Variants in MUCL3 observed in about 807,000 individuals in gnomAD.
The protein encoded by MUCL3 is mucin-like protein 3.
MUCL3 carries 42 observed loss-of-function variants against 70.2 expected under a neutral mutation model. That is an observed-to-expected ratio of 0.60 (90% CI 0.47 to 0.77). MUCL3 has a LOEUF of 0.77. Among genes scored for constraint, MUCL3 ranks in the 30% least tolerant of loss-of-function variants. The pLI is 0.00. For synonymous variants in MUCL3, 522 were observed against 647.0 expected (o/e 0.81, Z 2.93); for missense variants, 1,429 against 1,670.0 (o/e 0.86, Z 2.52).
chr6:30,950,182 C>T lies in MUCL3; in HGVS notation c.1718C>T (p.Thr573Ile), dbSNP rs755281420. The T allele has an allele frequency of 1.3e-6, 2 of 1,548,810 alleles. No homozygotes were observed. The highest frequency in any genetic ancestry group is 1.2e-5 in the South Asian group (1 of 83,944). ...AGGACTCCTTTGGCCAATGAGAAGA[C>T]CACGCCATCTCTAGCAGAGCCTACA... ...GDRTPLANEK[T>I]TPSLAEPTEN... The change falls in exon 2 of 3, where the codon ACC becomes ATC. Residue 573 changes from threonine to isoleucine, a missense_variant. Thr to Ile is a moderately conservative substitution (Grantham distance 89, BLOSUM62 -1). Transcript: ENST00000462446.
chr6:30,951,198 G>A lies in MUCL3; in HGVS notation c.2734G>A (p.Glu912Lys), dbSNP rs1287859677. 3 of 1,551,590 alleles carry A rather than the reference G, an allele frequency of 1.9e-6. No homozygotes were observed. The highest frequency in any genetic ancestry group is 1.4e-5 in the African/African-American group (1 of 72,798). Residue 912 changes from glutamate (E) to lysine (K), a missense_variant, in exon 2 of 3, where the codon GAG (glutamate) becomes AAG (lysine). Transcript: ENST00000462446. ...TGGAGAAAGGACCCCATTTACCAAT[G>A]AGAAGACCACACCATCCTCAGCAGA... ...ENGERTPFTN[E>K]KTTPSSAEPT... is the part of the protein sequence containing the mutation.
In MUCL3 at chr6:30,951,847, A is replaced by G; in HGVS notation, c.3383A>G (p.His1128Arg). 1 of 1,599,352 alleles carries G rather than the reference A, an allele frequency of 6.3e-7. No individual in the cohort carries two copies. Among genetic ancestry groups the G allele is most frequent in the African/African-American group, 1.3e-5 (1 of 74,524 alleles). Residue 1128 changes from histidine to arginine, a missense_variant, in exon 2 of 3, where the codon CAT becomes CGT. Transcript: ENST00000462446. ...TCATCTGCAGCAGAGTCTACAGAACATAGAGATAGGGCTACATCAGCCAAT... is the reference window on the plus strand; with the variant it reads ...TCATCTGCAGCAGAGTCTACAGAACGTAGAGATAGGGCTACATCAGCCAAT... ...ITSSAAESTE[H>R]RDRATSANVI... is the part of the protein sequence containing the mutation.
chr6:30,950,284 G>A lies in MUCL3; in HGVS notation c.1820G>A (p.Arg607Lys), dbSNP rs1162133353. 1 of 1,548,926 alleles carries A rather than the reference G, an allele frequency of 6.5e-7. No homozygotes were observed. Among genetic ancestry groups the A allele is most frequent in the African/African-American group, 1.4e-5 (1 of 71,854 alleles). The change falls in exon 2 of 3, where the codon AGG (arginine) becomes AAG (lysine). Residue 607 changes from arginine (R) to lysine (K), a missense_variant. Arg to Lys is a conservative substitution (Grantham distance 26). Coordinates refer to ENST00000462446, the MANE Select transcript of MUCL3 (RefSeq NM_080870.4). Reference sequence around the variant, plus strand: ...GCAGAGCCTACAGAACACGAAGAAAGGACTCCACTGGCCAATGAGAACACC... The same window carrying A: ...GCAGAGCCTACAGAACACGAAGAAAAGACTCCACTGGCCAATGAGAACACC... ...SSAEPTEHEE[R>K]TPLANENTTP...
In MUCL3 at chr6:30,949,978, C is replaced by T. The variant is rs529934347; in HGVS notation, c.1514C>T (p.Thr505Ile). ...PAEPTENGQRTPFANEKTTSS... is the reference protein window; with the variant it reads ...PAEPTENGQRIPFANEKTTSS... ...GAGCCTACAGAAAATGGACAAAGGACCCCATTTGCCAATGAGAAAACCACA... is the reference window on the plus strand; with the variant it reads ...GAGCCTACAGAAAATGGACAAAGGATCCCATTTGCCAATGAGAAAACCACA... Residue 505 changes from threonine (T) to isoleucine (I), a missense_variant, in exon 2 of 3, where the codon ACC (threonine) becomes ATC (isoleucine). Physicochemically the swap from Thr to Ile is moderately conservative, Grantham distance 89 (BLOSUM62 -1). Transcript: ENST00000462446. The T allele has an allele frequency of 8.0e-5, 124 of 1,549,088 alleles. 1 individual carries two copies. In the South Asian group the frequency reaches 1.4e-3, roughly 18 times the overall value.
rs1425288774 is a variant in MUCL3 at position 30,949,345 on chromosome 6, A to G, written c.881A>G (p.Asn294Ser). The G allele has an allele frequency of 6.4e-6, 10 of 1,551,696 alleles. No homozygotes were observed. In the African/African-American group the frequency reaches 1.1e-4, roughly 17 times the overall value. ...EPTEHGGRTANENNTPSPAEP... is the reference protein window; with the variant it reads ...EPTEHGGRTASENNTPSPAEP... ...ACAGAACATGGAGGAAGGACAGCCAATGAGAACAACACACCATCCCCAGCA... is the reference window on the plus strand; with the variant it reads ...ACAGAACATGGAGGAAGGACAGCCAGTGAGAACAACACACCATCCCCAGCA... The change falls in exon 2 of 3, where the codon AAT (asparagine) becomes AGT (serine). Residue 294 changes from asparagine (N) to serine (S), a missense_variant. Asn to Ser is a conservative substitution (Grantham distance 46). Coordinates refer to ENST00000462446, the MANE Select transcript of MUCL3 (RefSeq NM_080870.4).
Position 30,949,924 on chromosome 6 carries a change from C to T in MUCL3, c.1460C>T (p.Ala487Val). Residue 487 changes from alanine to valine, a missense_variant, in exon 2 of 3, where the codon GCC (alanine) becomes GTC (valine). Coordinates refer to ENST00000462446, the MANE Select transcript of MUCL3 (RefSeq NM_080870.4). ...VEPTENRETTANEKTTPSPAE... is the reference protein window; with the variant it reads ...VEPTENRETTVNEKTTPSPAE... ...CCTACAGAAAATAGAGAAACAACAG[C>T]CAATGAGAAGACCACACCATCCCCA... 2 of 1,550,978 alleles carry T rather than the reference C, an allele frequency of 1.3e-6. No homozygotes were observed. The highest frequency in any genetic ancestry group is 1.7e-6 in the Non-Finnish European group (2 of 1,146,690).
chr6:30,952,489 T>C lies in MUCL3; in HGVS notation c.4025T>C (p.Leu1342Pro). 1 of 1,597,948 alleles carries C rather than the reference T, an allele frequency of 6.3e-7. No homozygotes were observed. The highest frequency in any genetic ancestry group is 1.3e-5 in the African/African-American group (1 of 74,464). ...AVILLLVFLGLIFLVSYMMRT... is the reference protein window; with the variant it reads ...AVILLLVFLGPIFLVSYMMRT... Reference sequence around the variant, plus strand: ...ATTCTCCTCCTGGTGTTCCTTGGCCTGATCTTCTTGGTAAGGGACAGATGT... The same window carrying C: ...ATTCTCCTCCTGGTGTTCCTTGGCCCGATCTTCTTGGTAAGGGACAGATGT... Residue 1342 changes from leucine to proline, a missense_variant, in exon 2 of 3, where the codon CTG becomes CCG. Physicochemically the swap from Leu to Pro is moderately conservative, Grantham distance 98. Transcript: ENST00000462446.
chr6:30,950,097 G>C lies in MUCL3; in HGVS notation c.1633G>C (p.Glu545Gln). The C allele has an allele frequency of 6.4e-7, 1 of 1,550,482 alleles. No individual in the cohort carries two copies. Among genetic ancestry groups the C allele is most frequent in the Non-Finnish European group, 8.7e-7 (1 of 1,146,788 alleles). The change falls in exon 2 of 3, where the codon GAA becomes CAA. Residue 545 changes from glutamate to glutamine, a missense_variant. By Grantham distance (29) the Glu-to-Gln change is conservative. Transcript: ENST00000462446. ...PSPAEPTENR[E>Q]RTANEKTTPS... ...CCCAGCAGAGCCTACAGAAAATAGA[G>C]AAAGGACAGCCAATGAGAAGACCAC...
chr6:30,946,165 T>C (rs2150608666), intron 1 of MUCL3: 1 of 152,430 alleles, frequency 6.6e-6, no homozygotes, highest in South Asian at 2.1e-4. Flanking sequence ...CTCCCCTTAC[T>C]ACCAGGAGAA....
chr6:30,952,645 T>C lies in MUCL3; in HGVS notation c.4035+146T>C. The C allele has an allele frequency of 6.3e-6, 6 of 957,126 alleles. No homozygotes were observed. The South Asian group carries it at 1.1e-4, about 18-fold the overall frequency. 59.3% of individuals were successfully genotyped at this position (957,126 alleles called of 1,614,324 possible). A position where few individuals can be genotyped will look rare whatever the true frequency, so the allele number is the denominator to read the frequency against. On this transcript the variant is annotated intron_variant, in intron 2 of 2. Coordinates refer to ENST00000462446, the MANE Select transcript of MUCL3 (RefSeq NM_080870.4). ...AACAGTAATAGAGGGAGAGTTTTGG[T>C]GAAAACTAAGGAGAAAGACAATAAA...
At position 30,950,410 on chromosome 6, in the gene MUCL3, C is replaced by T. The variant is rs1467952356; in HGVS notation, c.1946C>T (p.Ala649Val). 1 of 1,549,488 alleles carries T rather than the reference C, an allele frequency of 6.5e-7. No homozygotes were observed. Among genetic ancestry groups the T allele is most frequent in the Non-Finnish European group, 8.7e-7 (1 of 1,146,484 alleles). Residue 649 changes from alanine (A) to valine (V), a missense_variant, in exon 2 of 3, where the codon GCC (alanine) becomes GTC (valine). Ala to Val is a moderately conservative substitution (Grantham distance 64). Transcript: ENST00000462446. ...CCTACAGAAAATAGAGAAATGACAG[C>T]CAACGAGAAGACCACACTATTCCCA... ...AGPTENREMT[A>V]NEKTTLFPAE... is the part of the protein sequence containing the mutation.
chr6:30,941,604 C>T (rs1202779096), intron 1 of MUCL3, among the ~76,000 whole-genome samples: 1 of 141,794 alleles, frequency 7.1e-6, no homozygotes, highest in Non-Finnish European at 1.6e-5. Context: ...GGATTACAGG[C>T]ACCTGCCACC....
In MUCL3 at chr6:30,951,389, A is replaced by G; in HGVS notation, c.2925A>G (p.Pro975=). 1 of 1,545,746 alleles carries G rather than the reference A, an allele frequency of 6.5e-7. No homozygotes were observed. Residue 975 remains proline (P), a synonymous_variant, in exon 2 of 3, where the codon CCA becomes CCG. Transcript: ENST00000462446. ...CGACAGTCAATGAGGACACCACACC[A>G]TCCTCAGCAGAGCCTACAGAAAATG... The part of the protein sequence containing the change: ...GETTVNEDTT[P]SSAEPTENGE...
chr6:30,950,130 C>A lies in MUCL3; in HGVS notation c.1666C>A (p.Pro556Thr). 6.4e-7 allele frequency: 1 copy of A among 1,551,154 alleles called. No homozygotes were observed. The highest frequency in any genetic ancestry group is 8.7e-7 in the Non-Finnish European group (1 of 1,146,954). The change falls in exon 2 of 3, where the codon CCA (proline) becomes ACA (threonine). Residue 556 changes from proline to threonine, a missense_variant. By Grantham distance (38) the Pro-to-Thr change is conservative (BLOSUM62 -1). Coordinates refer to ENST00000462446, the MANE Select transcript of MUCL3 (RefSeq NM_080870.4). The part of the protein sequence containing the change: ...RTANEKTTPS[P>T]AEPTENGDRT... ...AGCCAATGAGAAGACCACACCATCCCCAGCAGAGCCTACAGAAAATGGAGA... is the reference window on the plus strand; with the variant it reads ...AGCCAATGAGAAGACCACACCATCCACAGCAGAGCCTACAGAAAATGGAGA...
At position 30,952,408 on chromosome 6, in the gene MUCL3, G is replaced by T; in HGVS notation, c.3944G>T (p.Gly1315Val). 6.2e-7 allele frequency: 1 copy of T among 1,614,102 alleles called. No individual in the cohort carries two copies. The highest frequency in any genetic ancestry group is 8.5e-7 in the Non-Finnish European group (1 of 1,179,992). ...SQKGIHAGQM[G>V]ENDSFPAWAI... ...AAAGGTATCCACGCTGGACAGATGG[G>T]AGAGAATGATTCATTCCCTGCATGG... The change falls in exon 2 of 3, where the codon GGA becomes GTA. Residue 1315 changes from glycine to valine, a missense_variant. Physicochemically the swap from Gly to Val is moderately radical, Grantham distance 109. Transcript: ENST00000462446.
chr6:30,950,503 C>A lies in MUCL3; in HGVS notation c.2039C>A (p.Thr680Lys). 6.4e-7 allele frequency: 1 copy of A among 1,550,506 alleles called. No homozygotes were observed. Among genetic ancestry groups the A allele is most frequent in the African/African-American group, 1.4e-5 (1 of 72,550 alleles). Residue 680 changes from threonine to lysine, a missense_variant, in exon 2 of 3, where the codon ACA (threonine) becomes AAA (lysine). By Grantham distance (78) the Thr-to-Lys change is moderately conservative. Transcript: ENST00000462446. ...EKTTSSPAEP[T>K]ENGQRTPFAN... The stretch of plus-strand genomic sequence containing the variant: ...ACCACATCATCCCCAGCAGAGCCTA[C>A]AGAAAATGGACAAAGGACCCCATTT...
chr6:30,944,029 G>C (rs1795686290), intron 1 of MUCL3, among the ~76,000 whole-genome samples: 1 of 152,050 alleles, frequency 6.6e-6, no homozygotes, highest in African/African-American at 2.4e-5. Flanking sequence ...AACTCATACT[G>C]TATAGGTATT....
At position 30,941,372 on chromosome 6, in the gene MUCL3, G is replaced by A. The variant is rs1795564133; in HGVS notation, c.82+291G>A. Among the ~76,000 whole-genome samples, 3 of 152,210 alleles carry A rather than the reference G, an allele frequency of 2.0e-5. No individual in the cohort carries two copies. The South Asian group carries it at 6.2e-4, about 32-fold the overall frequency. On this transcript the variant is annotated intron_variant, in intron 1 of 2. Coordinates refer to ENST00000462446, the MANE Select transcript of MUCL3 (RefSeq NM_080870.4). ...AGGCTGCCAGCCCTGGATGGTGGGG[G>A]TAGGCACCTGACATTCATTGAGCAC...
At chr6:30,947,184 C>T (rs1189160422) in intron 1 of MUCL3, among the ~76,000 whole-genome samples, 1 of 152,178 alleles carries the variant, frequency 6.6e-6, no homozygotes, top group African/African-American at 2.4e-5. Context: ...GTCCAATAAA[C>T]AATAGCTATT....
Sources: allele counts gnomAD v4.1 joint callset (sites outside exome capture counted in the v4.1 genomes callset), GRCh38; gene constraint gnomAD v4.1.1; transcripts MANE v1.5; gene names NCBI Gene and HGNC (gene_info 2026-07-23, HGNC 2026-07-21).